DAPP1: variants seen among roughly 807,000 people sequenced by gnomAD.
DAPP1 encodes dual adapter for phosphotyrosine and 3-phosphotyrosine and 3-phosphoinositide.
DAPP1 carries 20 observed loss-of-function variants against 41.5 expected under a neutral mutation model. The observed-to-expected ratio is 0.48, with a 90% CI of 0.34 to 0.70. The LOEUF is 0.70. Ranked by LOEUF, DAPP1 falls within the 30% of genes least tolerant of loss-of-function variation. The pLI is 0.01. For missense variants in DAPP1, 233 were observed against 333.4 expected, an observed-to-expected ratio of 0.70 and a Z score of 2.35; for synonymous variants, 113 against 116.2, an observed-to-expected ratio of 0.97 and a Z score of 0.18.
At chr4:99,835,024 T>G (rs1723248249) in intron 1 of DAPP1, among the ~76,000 whole-genome samples, 1 of 151,980 alleles carries the variant, frequency 6.6e-6, no homozygotes, top group Admixed American at 6.6e-5. Context: ...TTTTTTTTTT[T>G]TTGAGATGGA....
chr4:99,861,663 A>G, intron 5 of DAPP1, 38 bp downstream of exon 5: 7 of 1,552,758 alleles, frequency 4.5e-6, no homozygotes, highest in Non-Finnish European at 6.1e-6. Flanking sequence ...AGCCACAGAA[A>G]AAAGAGAACA....
chr4:99,827,649 T>A (rs1301042185), intron 1 of DAPP1, among the ~76,000 whole-genome samples: 2 of 152,158 alleles, frequency 1.3e-5, no homozygotes, highest in African/African-American at 4.8e-5. Context: ...GAATCAGCTA[T>A]GTGATGCAAT....
chr4:99,847,787 C>T (rs184760577), intron 3 of DAPP1, among the ~76,000 whole-genome samples: 1 of 143,408 alleles, frequency 7.0e-6, no homozygotes, highest in African/African-American at 2.7e-5. Context: ...TCTGTGGTAG[C>T]GACAGTAGAT....
In DAPP1 at chr4:99,868,224, G is replaced by T. The variant is rs757033207; in HGVS notation, c.*39G>T. On this transcript the variant is annotated 3_prime_UTR_variant, in exon 9 of 9. Coordinates refer to ENST00000512369, the MANE Select transcript of DAPP1 (RefSeq NM_014395.3). The stretch of plus-strand genomic sequence containing the variant: ...AGGAATGCTCTGGCCCAGGAGCAAG[G>T]TGGAATGTTTCCCTGACGCTGTGAT... The T allele has an allele frequency of 1.3e-6, 2 of 1,557,248 alleles. No individual in the cohort carries two copies. The highest frequency in any genetic ancestry group is 3.3e-5 in the Admixed American group (2 of 59,798).
At chr4:99,848,898 T>G (rs1209835329) in intron 3 of DAPP1, among the ~76,000 whole-genome samples, 1 of 152,170 alleles carries the variant, frequency 6.6e-6, no homozygotes, top group Non-Finnish European at 1.5e-5. Context: ...AACATGGTTA[T>G]AGGGAACCTA....
At chr4:99,847,359 GGTCCTTC>G (rs1723700519) in intron 3 of DAPP1, among the ~76,000 whole-genome samples, 3 of 152,074 alleles carry the variant, frequency 2.0e-5, no homozygotes, top group Non-Finnish European at 2.9e-5. Context: ...CAAGATAAAG[GGTCCTTC>G]AATGCAATTT....
chr4:99,861,678 A>T (rs1348169946), intron 5 of DAPP1, 53 bp downstream of exon 5: 2 of 1,525,352 alleles, frequency 1.3e-6, no homozygotes, highest in East Asian at 2.4e-5. Context: ...AGAACACGTC[A>T]TGTAGACTCA....
intron 3 of DAPP1, among the ~76,000 whole-genome samples, chr4:99,849,391 C>A (rs923665987): frequency 6.6e-6 from 1 of 152,174 alleles, no homozygotes; most frequent in African/African-American, 2.4e-5. Flanking sequence ...TTCATTAATT[C>A]ATTCACTCAT....
At chr4:99,835,425 G>A (rs924345250) in intron 1 of DAPP1, among the ~76,000 whole-genome samples, 198 bp from the exon 2 acceptor site, 1 of 152,120 alleles carries the variant, frequency 6.6e-6, no homozygotes, top group Non-Finnish European at 1.5e-5. Context: ...CCCATGTCAC[G>A]CTACTATTAG....
chr4:99,840,257 A>T, intron 2 of DAPP1, 32 bp from the exon 3 acceptor site: 1 of 1,381,260 alleles, frequency 7.2e-7, no homozygotes, highest in Non-Finnish European at 9.8e-7. Flanking sequence ...TTATTTGTTA[A>T]ATAATATTAA....
At chr4:99,843,824 T>A (rs1578177147) in intron 3 of DAPP1, among the ~76,000 whole-genome samples, 2 of 152,344 alleles carry the variant, frequency 1.3e-5, no homozygotes, top group Admixed American at 6.5e-5. Context: ...TCCTGCTATG[T>A]CCCAGGACCT....
intron 1 of DAPP1, among the ~76,000 whole-genome samples, chr4:99,827,907 T>A (rs1333131539): frequency 1.3e-5 from 2 of 152,246 alleles, no homozygotes; most frequent in African/African-American, 2.4e-5. Flanking sequence ...TTCTAAATGC[T>A]TTCAACTCTT....
intron 5 of DAPP1, 37 bp from the exon 6 acceptor site, chr4:99,862,973 G>A (rs1244249509): frequency 9.5e-6 from 14 of 1,479,720 alleles, no homozygotes; most frequent in Non-Finnish European, 1.2e-5. Context: ...AAAACTTTGT[G>A]TGTCTGTGTG....
chr4:99,830,892 A>G (rs1723099599), intron 1 of DAPP1, among the ~76,000 whole-genome samples: 1 of 152,220 alleles, frequency 6.6e-6, no homozygotes, highest in Non-Finnish European at 1.5e-5. Flanking sequence ...TAATAAGGTT[A>G]TCTCTGGAAG....
intron 4 of DAPP1, among the ~76,000 whole-genome samples, chr4:99,854,596 C>T (rs1427739737): frequency 1.3e-5 from 2 of 151,936 alleles, no homozygotes; most frequent in African/African-American, 4.8e-5. Context: ...CCCTGCTTGC[C>T]TCTCTGTCTT....
chr4:99,863,188 G>A (rs1366325026), intron 6 of DAPP1, 116 bp downstream of exon 6: 5 of 630,258 alleles, frequency 7.9e-6, no homozygotes, highest in Non-Finnish European at 1.1e-5. Context: ...CCTAATAAAT[G>A]ATTGGAGATA....
intron 2 of DAPP1, among the ~76,000 whole-genome samples, chr4:99,836,458 T>C (rs530836984): frequency 3.3e-5 from 5 of 152,222 alleles, no homozygotes; most frequent in Admixed American, 6.5e-5. Context: ...TATTCTTGGG[T>C]TTTTAGGCGC....
downstream of DAPP1, among the ~76,000 whole-genome samples, chr4:99,870,374 T>C (rs927778847): frequency 1.3e-5 from 2 of 151,684 alleles, no homozygotes; most frequent in African/African-American, 4.9e-5. Flanking sequence ...CATATGACAA[T>C]ATATAGCAGT....
chr4:99,818,110 T>C (rs1722651164), intron 1 of DAPP1, among the ~76,000 whole-genome samples: 1 of 152,210 alleles, frequency 6.6e-6, no homozygotes, highest in African/African-American at 2.4e-5. Flanking sequence ...TATTAATAAT[T>C]CCTGTCTTTA....
Sources: gnomAD v4.1 joint callset for allele counts (sites outside exome capture counted in the v4.1 genomes callset) on GRCh38, gnomAD v4.1.1 for gene constraint, MANE v1.5 for transcripts, NCBI Gene and HGNC (gene_info 2026-07-23, HGNC 2026-07-21) for gene names.